TMEM132D: variants seen among roughly 807,000 people sequenced by gnomAD.
TMEM132D encodes mature OL transmembrane protein.
A neutral mutation model predicts 62.3 loss-of-function variants in TMEM132D; 21 were observed. The observed-to-expected ratio is 0.34, with a 90% CI of 0.24 to 0.49. TMEM132D has a LOEUF of 0.49. Among genes scored for constraint, TMEM132D ranks in the 20% least tolerant of loss-of-function variants. TMEM132D has a pLI of 0.99. For synonymous variants in TMEM132D, 621 were observed against 575.6 expected, an observed-to-expected ratio of 1.08 and a Z score of -1.13; for missense variants, 1,346 against 1,402.8, an observed-to-expected ratio of 0.96 and a Z score of 0.65.
At chr12:129,159,324 C>T (rs1165408150) in intron 5 of TMEM132D, among the ~76,000 whole-genome samples, 1 of 152,138 alleles carries the variant, frequency 6.6e-6, no homozygotes, top group Admixed American at 6.5e-5. Flanking sequence ...CTGTGAAAAC[C>T]TGAAACCGGG....
In TMEM132D at chr12:129,802,507, C is replaced by G. The variant is rs1218232627; in HGVS notation, c.79+100754G>C. ...AAATGCTGAGAAATTTTGTCACCAC[C>G]AGGCCTGCCCTAAAAGAGCTCCTGA... On this transcript the variant is annotated intron_variant, in intron 1 of 8. Transcript: ENST00000422113. 3.9e-3 allele frequency among the ~76,000 whole-genome samples: 448 copies of G among 115,174 alleles called. 7 individuals are homozygous for G. The highest frequency in any genetic ancestry group is 0.014 in the African/African-American group (417 of 29,794). The allele number at this position is 115,174 out of a possible 152,430, so 75.6% of individuals were successfully genotyped here. A position where few individuals can be genotyped will look rare whatever the true frequency, so the allele number is the denominator to read the frequency against.
intron 1 of TMEM132D, among the ~76,000 whole-genome samples, chr12:129,746,186 G>C (rs1828168809): frequency 6.6e-6 from 1 of 152,228 alleles, no homozygotes; most frequent in South Asian, 2.1e-4. Flanking sequence ...AGTGCAAAGG[G>C]AGCACAGTAA....
intron 2 of TMEM132D, among the ~76,000 whole-genome samples, chr12:129,576,849 G>T (rs988550968): frequency 6.6e-6 from 1 of 151,956 alleles, no homozygotes; most frequent in Non-Finnish European, 1.5e-5. Context: ...AAAAGAGAAC[G>T]CTCGGAAAAT....
Position 129,418,497 on chromosome 12 carries a change from G to A in TMEM132D, c.1116-80680C>T, listed in dbSNP as rs139380445. On this transcript the variant is annotated intron_variant, in intron 3 of 8. Transcript: ENST00000422113. Reference sequence around the variant, plus strand: ...ACACCACACGTTCTCACTCATAAGCGGGAGTTGAACAATGAGAACACATGG... The same window carrying A: ...ACACCACACGTTCTCACTCATAAGCAGGAGTTGAACAATGAGAACACATGG... Among the ~76,000 whole-genome samples the A allele has an allele frequency of 7.3e-3, 1,104 of 152,160 alleles. 10 individuals are homozygous for A. The highest frequency in any genetic ancestry group is 0.02 in the African/African-American group (850 of 41,486).
chr12:129,784,351 T>C (rs1242874932), intron 1 of TMEM132D, among the ~76,000 whole-genome samples: 3 of 152,218 alleles, frequency 2.0e-5, no homozygotes, highest in Non-Finnish European at 4.4e-5. Context: ...TCACGTTCAG[T>C]CTGGGCCACA....
chr12:129,504,346 T>A (rs553737591), intron 3 of TMEM132D, among the ~76,000 whole-genome samples: 2 of 152,350 alleles, frequency 1.3e-5, no homozygotes, highest in South Asian at 4.1e-4. Flanking sequence ...GAATGTCTTG[T>A]AGAATTCAGC....
chr12:129,302,366 C>T (rs540116942), intron 4 of TMEM132D, among the ~76,000 whole-genome samples: 84 of 152,356 alleles, frequency 5.5e-4, no homozygotes, highest in African/African-American at 1.6e-3. Context: ...CCAGCCGCCT[C>T]GGCCTCCCAA....
chr12:129,667,908 TG>T (rs1344285808), intron 2 of TMEM132D, among the ~76,000 whole-genome samples: 1 of 151,892 alleles, frequency 6.6e-6, no homozygotes, highest in Non-Finnish European at 1.5e-5. Context: ...TAACAGACTG[TG>T]TACCACAGAG....
intron 1 of TMEM132D, among the ~76,000 whole-genome samples, chr12:129,734,397 A>G (rs1354778623): frequency 2.0e-5 from 3 of 152,296 alleles, no homozygotes; most frequent in African/African-American, 7.2e-5. Flanking sequence ...CCATCTCCTC[A>G]GTGAAGTACT....
At chr12:129,634,473 C>CA (rs71451324) in intron 2 of TMEM132D, among the ~76,000 whole-genome samples, 55,029 of 129,356 alleles carry the variant, frequency 0.43, 11,522 homozygotes, top group East Asian at 0.51. Flanking sequence ...AACCTTGTCT[C>CA]AAAAAAAAAA....
intron 4 of TMEM132D, among the ~76,000 whole-genome samples, chr12:129,332,429 C>T (rs1296111515): frequency 1.3e-5 from 2 of 152,270 alleles, no homozygotes; most frequent in African/African-American, 2.4e-5. Context: ...CACCTGGCGG[C>T]ATCTCATCCC....
rs1466856626 is a variant in TMEM132D at position 129,749,484 on chromosome 12, TCTCA to T, written c.80-48790_80-48787del. Reference sequence around the variant, plus strand: ...GAATCTTTTTTTTTTTTTTTTTGAGTCTCACTCTGTCACCCAGGCTCAAGTGCAG... The same window carrying T: ...GAATCTTTTTTTTTTTTTTTTTGAGTCTCTGTCACCCAGGCTCAAGTGCAG... On this transcript the variant is annotated intron_variant, in intron 1 of 8. Coordinates refer to ENST00000422113, the MANE Select transcript of TMEM132D (RefSeq NM_133448.3). 2.3e-4 allele frequency among the ~76,000 whole-genome samples: 34 copies of T among 145,570 alleles called. 1 individual carries two copies. The Middle Eastern group carries it at 0.018, about 76-fold the overall frequency.
intron 3 of TMEM132D, among the ~76,000 whole-genome samples, chr12:129,431,114 A>G (rs1397617811): frequency 2.0e-5 from 3 of 152,222 alleles, no homozygotes; most frequent in Admixed American, 6.5e-5. Context: ...ACGCATTGTT[A>G]TAACAGCAGC....
Position 129,530,940 on chromosome 12 carries a change from C to T in TMEM132D, c.1115+119G>A, listed in dbSNP as rs74887332. On this transcript the variant is annotated intron_variant, in intron 3 of 8. Transcript: ENST00000422113. ...TACCTGGAGGCCCTGATAGAATAGACGACACACACCAAATGCAAACCACAG... is the reference window on the plus strand; with the variant it reads ...TACCTGGAGGCCCTGATAGAATAGATGACACACACCAAATGCAAACCACAG... The T allele has an allele frequency of 5.1e-4, 561 of 1,100,348 alleles. 5 individuals are homozygous for T. In the African/African-American group the frequency reaches 7.4e-3, roughly 15 times the overall value. 68.2% of individuals were successfully genotyped at this position (1,100,348 alleles called of 1,614,324 possible).
chr12:129,126,816 T>C (rs1876227301), intron 5 of TMEM132D, among the ~76,000 whole-genome samples: 1 of 152,206 alleles, frequency 6.6e-6, no homozygotes, highest in Admixed American at 6.5e-5. Context: ...TCCTCCTTGT[T>C]ATTAGCATCA....
At chr12:129,772,632 C>A (rs149466230) in intron 1 of TMEM132D, among the ~76,000 whole-genome samples, 2 of 152,184 alleles carry the variant, frequency 1.3e-5, no homozygotes, top group Admixed American at 1.3e-4. Context: ...AACCCATGAG[C>A]TATTGTCTGT....
intron 4 of TMEM132D, among the ~76,000 whole-genome samples, chr12:129,239,150 CT>C (rs1418309696): frequency 2.0e-5 from 3 of 152,140 alleles, no homozygotes; most frequent in Non-Finnish European, 2.9e-5. Flanking sequence ...GGAGAAATGT[CT>C]GTTCATGTTC....
intron 3 of TMEM132D, among the ~76,000 whole-genome samples, chr12:129,494,679 A>T (rs1027389363): frequency 7.9e-5 from 12 of 152,204 alleles, no homozygotes; most frequent in African/African-American, 2.6e-4. Flanking sequence ...TCTCCCCTCA[A>T]AAAAAGAGAA....
intron 4 of TMEM132D, among the ~76,000 whole-genome samples, chr12:129,332,358 C>T (rs1392997687): frequency 2.0e-5 from 3 of 151,888 alleles, no homozygotes; most frequent in Non-Finnish European, 4.4e-5. Context: ...AAGAAGACTT[C>T]AAGAAAAAAA....
Sources: allele counts gnomAD v4.1 joint callset (sites outside exome capture counted in the v4.1 genomes callset), GRCh38; gene constraint gnomAD v4.1.1; transcripts MANE v1.5; gene names NCBI Gene and HGNC (gene_info 2026-07-23, HGNC 2026-07-21).